COPB2: variants seen among roughly 807,000 people sequenced by gnomAD.
The protein encoded by COPB2 is coatomer subunit beta'.
COPB2 carries 16 observed loss-of-function variants against 120.8 expected under a neutral mutation model. That is an observed-to-expected ratio of 0.13 (90% confidence interval 0.09 to 0.20). COPB2 has a LOEUF of 0.20. COPB2 is among the 10% of genes least tolerant of loss of function. The probability of loss-of-function intolerance (pLI) is 1.00; values close to 1 mark genes in which losing one functional copy is unlikely to be tolerated. For missense variants in COPB2, 794 were observed against 1,076.5 expected (o/e 0.74, Z 3.67); for synonymous variants, 332 against 366.3 (o/e 0.91, Z 1.07).
In COPB2 at chr3:139,359,353, G is replaced by A; in HGVS notation, c.2220C>T (p.Ala740=). 6.2e-7 allele frequency: 1 copy of A among 1,613,874 alleles called. No homozygotes were observed. Among genetic ancestry groups the A allele is most frequent in the South Asian group, 1.1e-5 (1 of 91,070 alleles). ...CAGTTCTAATTAAGAGCTCTAGGCA[G>A]GCATCAACCCTAAACATTAAAAAGG... ...MSYFLQGKVD[A]CLELLIRTGR... Residue 740 remains alanine, a synonymous_variant, in exon 18 of 22, where the codon GCC becomes GCT. Transcript: ENST00000333188.
At chr3:139,377,977 A>G in intron 5 of COPB2, 64 bp downstream of exon 5, 1 of 1,394,594 alleles carries the variant, frequency 7.2e-7, no homozygotes, top group African/African-American at 1.4e-5. Context: ...AGTCAACAGT[A>G]AAACACCTAA....
At chr3:139,389,293 C>T (rs1421346939) in intron 1 of COPB2, among the ~76,000 whole-genome samples, 1 of 152,258 alleles carries the variant, frequency 6.6e-6, no homozygotes, top group Non-Finnish European at 1.5e-5. Flanking sequence ...ACTGCAGGAG[C>T]TCTGGCAAGC....
chr3:139,389,369 C>T (rs1432775698), intron 1 of COPB2, 179 bp downstream of exon 1: 3 of 1,017,090 alleles, frequency 2.9e-6, no homozygotes, highest in Non-Finnish European at 3.8e-6. Flanking sequence ...TCACCCCGGT[C>T]CCCTAGGCCC....
chr3:139,362,350 A>G (rs1194878650), intron 16 of COPB2, 57 bp downstream of exon 16: 1 of 1,233,404 alleles, frequency 8.1e-7, no homozygotes, highest in African/African-American at 1.5e-5. Flanking sequence ...CACCAAACAC[A>G]TAGAAGTACC....
At chr3:139,381,428 CAA>C (rs1941809932) in intron 2 of COPB2, 1 of 152,144 alleles carries the variant, frequency 6.6e-6, no homozygotes. Flanking sequence ...CAGGGAGAAT[CAA>C]AGACAGATTA....
chr3:139,375,058 A>T (rs1941690175), intron 6 of COPB2, among the ~76,000 whole-genome samples: 1 of 152,214 alleles, frequency 6.6e-6, no homozygotes, highest in Admixed American at 6.5e-5. Flanking sequence ...CAAAAATATC[A>T]AAATATAAGA....
At chr3:139,360,094 G>A (rs1941382050) in intron 17 of COPB2, among the ~76,000 whole-genome samples, 1 of 151,692 alleles carries the variant, frequency 6.6e-6, no homozygotes, top group South Asian at 2.1e-4. Flanking sequence ...TATGGATAAG[G>A]AATAGGGTCT....
At chr3:139,383,122 C>T in intron 2 of COPB2, 176 bp downstream of exon 2, 1 of 712,970 alleles carries the variant, frequency 1.4e-6, no homozygotes, top group Non-Finnish European at 2.4e-6. Flanking sequence ...GACAGTTTCT[C>T]CTACAAACTA....
At chr3:139,374,871 T>TAATA (rs1345337323) in intron 6 of COPB2, among the ~76,000 whole-genome samples, 3 of 152,202 alleles carry the variant, frequency 2.0e-5, no homozygotes, top group Non-Finnish European at 4.4e-5. Flanking sequence ...ATTCTCAGGA[T>TAATA]AATAGATTTC....
intron 7 of COPB2, 136 bp from the exon 8 acceptor site, chr3:139,373,944 CCTA>C: frequency 1.1e-6 from 1 of 942,108 alleles, no homozygotes; most frequent in African/African-American, 1.7e-5. Context: ...AATTTTTTGA[CCTA>C]CTGTCTTTAA....
chr3:139,372,888 G>C (rs904926513), intron 9 of COPB2, among the ~76,000 whole-genome samples: 7 of 152,204 alleles, frequency 4.6e-5, no homozygotes, highest in African/African-American at 1.7e-4. Flanking sequence ...CACCTACTAA[G>C]TCTCAGCATA....
chr3:139,373,580 A>C (rs1432489305), intron 8 of COPB2, 86 bp downstream of exon 8: 29 of 1,581,560 alleles, frequency 1.8e-5, no homozygotes, highest in Non-Finnish European at 2.5e-5. Flanking sequence ...GTTTTATAAA[A>C]CTGGTTACTT....
chr3:139,366,896 T>C (rs544842661), intron 14 of COPB2, 119 bp downstream of exon 14: 713 of 1,474,508 alleles, frequency 4.8e-4, no homozygotes, highest in Non-Finnish European at 5.9e-4. Flanking sequence ...TGGTTAACAA[T>C]AGGCAACCTA....
At chr3:139,374,701 A>G (rs1277631595) in intron 6 of COPB2, 113 bp from the exon 7 acceptor site, 1 of 670,170 alleles carries the variant, frequency 1.5e-6, no homozygotes, top group Non-Finnish European at 2.3e-6. Flanking sequence ...ATGAAAATCT[A>G]AATAATATCC....
intron 2 of COPB2, chr3:139,382,618 C>A (rs144161927): frequency 9.6e-4 from 146 of 152,248 alleles, no homozygotes; most frequent in African/African-American, 3.4e-3. Context: ...TCCTCAAATG[C>A]GAATTTTACC....
At chr3:139,360,847 T>C (rs2107796730) in intron 17 of COPB2, among the ~76,000 whole-genome samples, 1 of 152,310 alleles carries the variant, frequency 6.6e-6, no homozygotes, top group South Asian at 2.1e-4. Flanking sequence ...TTAACATTTC[T>C]CCCACTTGAG....
intron 12 of COPB2, 100 bp from the exon 13 acceptor site, chr3:139,368,388 A>C: frequency 4.0e-6 from 5 of 1,249,918 alleles, no homozygotes; most frequent in Non-Finnish European, 5.5e-6. Context: ...TTCTTATATC[A>C]AGATGATAAG....
At chr3:139,368,687 T>C (rs1397968854) in intron 12 of COPB2, among the ~76,000 whole-genome samples, 1 of 152,194 alleles carries the variant, frequency 6.6e-6, no homozygotes, top group Non-Finnish European at 1.5e-5. Flanking sequence ...GATATACATA[T>C]ATAATGCATA....
intron 16 of COPB2, among the ~76,000 whole-genome samples, chr3:139,361,544 TTTATC>T (rs1468949969): frequency 1.3e-5 from 2 of 152,206 alleles, no homozygotes; most frequent in Non-Finnish European, 2.9e-5. Flanking sequence ...CCATTATACT[TTTATC>T]TTATAATTAC....
Sources: gnomAD v4.1 joint callset for allele counts (sites outside exome capture counted in the v4.1 genomes callset) on GRCh38, gnomAD v4.1.1 for gene constraint, MANE v1.5 for transcripts, NCBI Gene and HGNC (gene_info 2026-07-23, HGNC 2026-07-21) for gene names.